Variants in CSMD2 observed in about 807,000 individuals in gnomAD.
CSMD2 encodes CUB and Sushi multiple domains 2.
In CSMD2, 130 loss-of-function variants were observed where a neutral mutation model predicts 398.5. The ratio of observed to expected loss-of-function variants is 0.33; its 90% confidence interval spans 0.28 to 0.38. The LOEUF is 0.38. Ranked by LOEUF, CSMD2 falls within the 10% of genes least tolerant of loss-of-function variation. The pLI, the probability that CSMD2 is intolerant of heterozygous loss-of-function variation, is 1.00. For missense variants in CSMD2, 3,829 were observed against 4,764.9 expected (o/e 0.80, Z 5.78); for synonymous variants, 1,828 against 1,908.5 (o/e 0.96, Z 1.10).
chr1:33,793,308 C>T (rs1185837549), intron 10 of CSMD2, among the ~76,000 whole-genome samples: 1 of 151,864 alleles, frequency 6.6e-6, no homozygotes, highest in East Asian at 1.9e-4. Context: ...CCCATCAGGC[C>T]AAAGGGGGAT....
rs1423816411 is a variant in CSMD2 at position 33,724,268 on chromosome 1, G to A, written c.2930C>T (p.Ser977Leu). ...FIQGSSGTIL[S>L]PGFPDFYPNN... is the part of the protein sequence containing the mutation. ...GGGGTAGAAGTCAGGGAACCCTGGCGACAAGATGGTCCCACTGGAGCCTTG... is the reference window on the plus strand; with the variant it reads ...GGGGTAGAAGTCAGGGAACCCTGGCAACAAGATGGTCCCACTGGAGCCTTG... The change falls in exon 19 of 71, where the codon TCG becomes TTG. Residue 977 changes from serine to leucine, a missense_variant. Ser to Leu is a moderately radical substitution (Grantham distance 145). This residue lies in a region of CSMD2 where 2,001 missense variants were observed against 2,567.1 expected (regional missense o/e 0.78). Coordinates refer to ENST00000373381, the MANE Select transcript of CSMD2 (RefSeq NM_001281956.2). 4 of 1,613,940 alleles carry A rather than the reference G, an allele frequency of 2.5e-6. No individual in the cohort carries two copies. Among genetic ancestry groups the A allele is most frequent in the Admixed American group, 1.7e-5 (1 of 59,998 alleles).
intron 23 of CSMD2, among the ~76,000 whole-genome samples, chr1:33,700,032 A>G (rs1645556050): frequency 6.7e-6 from 1 of 150,318 alleles, no homozygotes; most frequent in Non-Finnish European, 1.5e-5. Flanking sequence ...CTTTTTTTAG[A>G]CAGTCTTGCT....
At chr1:33,982,009 G>A (rs1646188389) in intron 3 of CSMD2, among the ~76,000 whole-genome samples, 1 of 152,206 alleles carries the variant, frequency 6.6e-6, no homozygotes, top group African/African-American at 2.4e-5. Flanking sequence ...TGTGCCGAGG[G>A]CATGGGTGAA....
Position 33,537,174 on chromosome 1 carries a change from T to C in CSMD2, c.9806-79A>G. 6.6e-7 allele frequency: 1 copy of C among 1,511,826 alleles called. No individual in the cohort carries two copies. The highest frequency in any genetic ancestry group is 2.3e-5 in the East Asian group (1 of 44,372). The allele number at this position is 1,511,826 out of a possible 1,614,324, so 93.7% of individuals were successfully genotyped here. A position where few individuals can be genotyped will look rare whatever the true frequency, so the allele number is the denominator to read the frequency against. ...CTCATCTCACTCTGGGAAATAGGTG[T>C]AGAAAAGAAAATGCGGCCACATCCT... On this transcript the variant is annotated intron_variant, in intron 61 of 70. Coordinates refer to ENST00000373381, the MANE Select transcript of CSMD2 (RefSeq NM_001281956.2). The surrounding 1 kb of genome is among the most constrained non-coding windows in gnomAD (Gnocchi z 4.6).
In CSMD2 at chr1:33,589,653, G is replaced by A. The variant is rs181584635; in HGVS notation, c.6857-2485C>T. ...CTTCATGATCACCCAACAATATGGC[G>A]TGACAAAACAGTGCCTCTGTGCATT... On this transcript the variant is annotated intron_variant, in intron 44 of 70. Transcript: ENST00000373381. Among the ~76,000 whole-genome samples the A allele has an allele frequency of 9.2e-5, 14 of 152,244 alleles. No homozygotes were observed. The East Asian group carries it at 1.9e-3, about 21-fold the overall frequency.
chr1:33,929,745 C>A (rs755304204), intron 4 of CSMD2, among the ~76,000 whole-genome samples: 3 of 152,086 alleles, frequency 2.0e-5, no homozygotes, highest in Non-Finnish European at 2.9e-5. Flanking sequence ...CCACCCCTCA[C>A]TCTACTTTTG....
intron 55 of CSMD2, among the ~76,000 whole-genome samples, chr1:33,554,756 T>C (rs891692315): frequency 6.6e-6 from 1 of 152,168 alleles, no homozygotes; most frequent in Non-Finnish European, 1.5e-5. Flanking sequence ...ATTGAACATT[T>C]TAAGCCCGCT....
intron 1 of CSMD2, among the ~76,000 whole-genome samples, chr1:34,129,011 C>CCA (rs1553325893): frequency 0.011 from 1,673 of 149,970 alleles, 19 homozygotes; most frequent in Non-Finnish European, 0.015. Context: ...GTACCCCCCC[C>CCA]CACACACACA....
At chr1:33,896,793 A>C (rs1018899719) in intron 5 of CSMD2, among the ~76,000 whole-genome samples, 3 of 152,110 alleles carry the variant, frequency 2.0e-5, no homozygotes, top group Non-Finnish European at 4.4e-5. Flanking sequence ...CTCACTGTGC[A>C]TATGATCTTA....
intron 3 of CSMD2, among the ~76,000 whole-genome samples, chr1:33,977,999 T>G (rs1460616848): frequency 6.6e-6 from 1 of 152,148 alleles, no homozygotes; most frequent in Non-Finnish European, 1.5e-5. Flanking sequence ...TAAGGAGGAC[T>G]AAGGCTTGCT....
At chr1:33,576,287 G>A (rs1239477481) in intron 49 of CSMD2, among the ~76,000 whole-genome samples, 1 of 152,146 alleles carries the variant, frequency 6.6e-6, no homozygotes, top group African/African-American at 2.4e-5. Flanking sequence ...TAATGGTGAC[G>A]AAGTATAATA....
intron 13 of CSMD2, among the ~76,000 whole-genome samples, chr1:33,755,854 AG>A (rs35559180): frequency 1.1e-4 from 17 of 149,464 alleles, no homozygotes; most frequent in African/African-American, 2.0e-4. Flanking sequence ...GTGCGGGGGG[AG>A]GGGGGTCTCA....
intron 5 of CSMD2, among the ~76,000 whole-genome samples, chr1:33,849,621 C>G (rs1335737979): frequency 6.6e-6 from 1 of 152,088 alleles, no homozygotes; most frequent in Non-Finnish European, 1.5e-5. Flanking sequence ...CTCCAAGGAA[C>G]TGTACATTTA....
At chr1:33,825,245 G>A (rs1288409041) in intron 7 of CSMD2, among the ~76,000 whole-genome samples, 1 of 152,144 alleles carries the variant, frequency 6.6e-6, no homozygotes, top group Non-Finnish European at 1.5e-5. Flanking sequence ...GGCCCTTGGA[G>A]GAGGTTACTA....
At chr1:34,106,729 G>A (rs1264612706) in intron 1 of CSMD2, among the ~76,000 whole-genome samples, 1 of 152,180 alleles carries the variant, frequency 6.6e-6, no homozygotes, top group Non-Finnish European at 1.5e-5. Flanking sequence ...AGCTGGGGAT[G>A]CATGCAACAA....
intron 29 of CSMD2, among the ~76,000 whole-genome samples, chr1:33,645,378 C>T (rs972923865): frequency 6.8e-6 from 1 of 147,862 alleles, no homozygotes; most frequent in Non-Finnish European, 1.5e-5. Flanking sequence ...CACACACACA[C>T]ACACACACAC....
intron 2 of CSMD2, among the ~76,000 whole-genome samples, chr1:34,061,006 C>T (rs1032246155): frequency 6.6e-6 from 1 of 152,226 alleles, no homozygotes; most frequent in East Asian, 1.9e-4. Flanking sequence ...GACCATAATC[C>T]GTAGCCGTGG....
At chr1:33,919,757 C>A (rs1272204157) in intron 4 of CSMD2, among the ~76,000 whole-genome samples, 2 of 152,148 alleles carry the variant, frequency 1.3e-5, no homozygotes, top group African/African-American at 2.4e-5. Flanking sequence ...ATGCTCAAGG[C>A]GCAGTGATAG....
At chr1:33,551,700 C>T (rs571727108) in intron 55 of CSMD2, among the ~76,000 whole-genome samples, 3 of 152,356 alleles carry the variant, frequency 2.0e-5, no homozygotes, top group Admixed American at 2.0e-4. Flanking sequence ...AAGACTGCTG[C>T]TACTAACAAT....
Sources: gnomAD v4.1 joint callset for allele counts (sites outside exome capture counted in the v4.1 genomes callset) on GRCh38, gnomAD v4.1.1 for gene constraint, gnomAD v4.1.1 regional missense constraint, Gnocchi (gnomAD v3.1) non-coding constraint, MANE v1.5 for transcripts, NCBI Gene and HGNC (gene_info 2026-07-23, HGNC 2026-07-21) for gene names.